Variants in MYH9 observed in about 807,000 individuals in gnomAD.
The protein encoded by MYH9 is myosin-9.
Under a neutral mutation model 241.9 loss-of-function variants are expected in MYH9, and 29 were observed. The observed-to-expected ratio is 0.12, with a 90% CI of 0.09 to 0.16. The LOEUF (loss-of-function observed/expected upper bound fraction) is 0.16. Among genes scored for constraint, MYH9 ranks in the 10% least tolerant of loss-of-function variants. The probability of loss-of-function intolerance (pLI) is 1.00; values close to 1 mark genes in which losing one functional copy is unlikely to be tolerated. For synonymous variants in MYH9, 1,047 were observed against 1,062.6 expected, an observed-to-expected ratio of 0.99 and a Z score of 0.29; for missense variants, 1,803 against 2,595.5, an observed-to-expected ratio of 0.69 and a Z score of 6.63.
chr22:36,356,405 AC>A (rs2017856252), intron 1 of MYH9, among the ~76,000 whole-genome samples: 1 of 150,584 alleles, frequency 6.6e-6, no homozygotes, highest in Non-Finnish European at 1.5e-5. Flanking sequence ...AAACCGTGAA[AC>A]CCTGTCTCTA....
chr22:36,369,036 A>G (rs2018053330), intron 1 of MYH9, among the ~76,000 whole-genome samples: 1 of 152,028 alleles, frequency 6.6e-6, no homozygotes, highest in Non-Finnish European at 1.5e-5. Context: ...TCCAAGGTGT[A>G]TGATACTGCA....
In MYH9 at chr22:36,281,984, G is replaced by C. The variant is rs1451907768; in HGVS notation, c.*684C>G. 1 of 233,554 alleles carries C rather than the reference G, an allele frequency of 4.3e-6. No individual in the cohort carries two copies. The highest frequency in any genetic ancestry group is 8.5e-6 in the Non-Finnish European group (1 of 118,134). The allele number at this position is 233,554 out of a possible 1,614,324, so 14.5% of individuals were successfully genotyped here. On this transcript the variant is annotated 3_prime_UTR_variant, in exon 41 of 41. Transcript: ENST00000216181. ...AGGCTGTCCTCGGTAAAGGAGGGGAGGGGGCATTGCACTTGAGACATTTTA... is the reference window on the plus strand; with the variant it reads ...AGGCTGTCCTCGGTAAAGGAGGGGACGGGGCATTGCACTTGAGACATTTTA...
At position 36,320,079 on chromosome 22, in the gene MYH9, T is replaced by C. The variant is rs2017225928; in HGVS notation, c.1012+141A>G. The C allele has an allele frequency of 7.8e-6, 9 of 1,159,340 alleles. 1 individual carries two copies. The Middle Eastern group carries it at 1.0e-3, about 132-fold the overall frequency. 71.8% of individuals were successfully genotyped at this position (1,159,340 alleles called of 1,614,324 possible). A position where few individuals can be genotyped will look rare whatever the true frequency, so the allele number is the denominator to read the frequency against. On this transcript the variant is annotated intron_variant, in intron 9 of 40. Transcript: ENST00000216181. The surrounding 1 kb of genome is among the most constrained non-coding windows in gnomAD (Gnocchi z 4.8). ...CTTGAACCTCAAATCTGAGGAATCA[T>C]TTTCCCATACACTGAAGGCCTTCCC...
intron 18 of MYH9, 54 bp from the exon 19 acceptor site, chr22:36,304,209 G>C: frequency 6.3e-7 from 1 of 1,598,678 alleles, no homozygotes; most frequent in Non-Finnish European, 8.6e-7. Flanking sequence ...ACAGCTCCAT[G>C]AAAGGGTGGC....
At chr22:36,377,962 T>C (rs1338306817) in intron 1 of MYH9, among the ~76,000 whole-genome samples, 3 of 149,876 alleles carry the variant, frequency 2.0e-5, no homozygotes, top group Non-Finnish European at 3.0e-5. Flanking sequence ...TGAGGAGAGA[T>C]GATGTTATTG....
chr22:36,325,696 G>A (rs991610575), intron 5 of MYH9, among the ~76,000 whole-genome samples: 4 of 152,334 alleles, frequency 2.6e-5, no homozygotes, highest in Admixed American at 2.0e-4. Flanking sequence ...CCACCGTGCC[G>A]GGGTCAGGTT....
At chr22:36,341,264 G>C in intron 3 of MYH9, 106 bp downstream of exon 3, 2 of 1,433,948 alleles carry the variant, frequency 1.4e-6, no homozygotes, top group Non-Finnish European at 1.9e-6. Flanking sequence ...CCCATCACCA[G>C]CCACTAGATC....
rs775254428 is a variant in MYH9 at position 36,300,588 on chromosome 22, C to T, written c.2838+263G>A. ...CAGAGGTGCTGGCCCTGTGCCCCTT[C>T]GGCTAGCCAGGGCCAGGGCTAATGG... On this transcript the variant is annotated intron_variant, in intron 22 of 40. Coordinates refer to ENST00000216181, the MANE Select transcript of MYH9 (RefSeq NM_002473.6). This position sits in a 1 kb window ranked among gnomAD's most constrained non-coding sequence, Gnocchi z 5.0. 1.2e-4 allele frequency among the ~76,000 whole-genome samples: 19 copies of T among 152,226 alleles called. No homozygotes were observed. The highest frequency in any genetic ancestry group is 2.1e-4 in the Non-Finnish European group (14 of 68,036).
intron 24 of MYH9, 106 bp from the exon 25 acceptor site, chr22:36,297,120 C>A: frequency 7.6e-7 from 1 of 1,314,548 alleles, no homozygotes; most frequent in Non-Finnish European, 1.1e-6. Context: ...GTGTGTCAGG[C>A]TTAAAGCATC....
intron 3 of MYH9, among the ~76,000 whole-genome samples, chr22:36,328,444 C>T (rs1408901220): frequency 1.3e-5 from 2 of 152,194 alleles, no homozygotes; most frequent in African/African-American, 2.4e-5. Context: ...ATAGCCTCAC[C>T]GTCCTTGAAG....
rs1180767444 is a variant in MYH9 at position 36,298,956 on chromosome 22, G to C, written c.3063C>G (p.Leu1021=). Residue 1021 remains leucine, a synonymous_variant, in exon 24 of 41, where the codon CTC becomes CTG. Transcript: ENST00000216181. ...EEEKSKSLAK[L]KNKHEAMITD... The stretch of plus-strand genomic sequence containing the variant: ...TGATCATTGCCTCATGCTTGTTCTT[G>C]AGCTTGGCGAGGCTCTTAGATTTCT... 1.2e-6 allele frequency: 2 copies of C among 1,614,118 alleles called. No homozygotes were observed. Among genetic ancestry groups the C allele is most frequent in the Non-Finnish European group, 1.7e-6 (2 of 1,180,012 alleles).
At position 36,288,894 on chromosome 22, in the gene MYH9, C is replaced by T. The variant is rs902539406; in HGVS notation, c.4603G>A (p.Glu1535Lys). The T allele has an allele frequency of 6.8e-6, 11 of 1,614,144 alleles. No homozygotes were observed. The highest frequency in any genetic ancestry group is 9.3e-6 in the Non-Finnish European group (11 of 1,180,042). Residue 1535 changes from glutamate to lysine, a missense_variant, in exon 33 of 41, where the codon GAG becomes AAG. Transcript: ENST00000216181. This position sits in a 1 kb window ranked among gnomAD's most constrained non-coding sequence, Gnocchi z 4.8. ...TCTTCCAGCTGCGTCTTCATCTCCT[C>T]CACCTGCTGCTCTAGGGCCCGCTTG... Reference protein sequence around the residue: ...KSKRALEQQVEEMKTQLEELE... With the variant: ...KSKRALEQQVKEMKTQLEELE...
chr22:36,327,423 G>A (rs2017353323), intron 4 of MYH9, 38 bp downstream of exon 4: 1 of 1,612,982 alleles, frequency 6.2e-7, no homozygotes, highest in Non-Finnish European at 8.5e-7. Context: ...AACAGACTGG[G>A]GTGAAACGAA....
intron 1 of MYH9, among the ~76,000 whole-genome samples, chr22:36,375,990 T>C: frequency 6.7e-6 from 1 of 148,276 alleles, no homozygotes; most frequent in Non-Finnish European, 1.5e-5. Flanking sequence ...AGATGGAGTT[T>C]TGCTCCTATT....
intron 1 of MYH9, among the ~76,000 whole-genome samples, chr22:36,387,371 G>A (rs1014934458): frequency 1.3e-4 from 20 of 152,240 alleles, no homozygotes; most frequent in African/African-American, 4.3e-4. Context: ...CGGCTGCCCC[G>A]GGCTCCCAAC....
chr22:36,334,596 T>C (rs748210779), intron 3 of MYH9, among the ~76,000 whole-genome samples: 1 of 152,186 alleles, frequency 6.6e-6, no homozygotes, highest in Non-Finnish European at 1.5e-5. Context: ...GAGAGTGTTT[T>C]TGGGGAGATT....
At chr22:36,327,297 G>A (rs1462026620) in intron 4 of MYH9, among the ~76,000 whole-genome samples, 164 bp downstream of exon 4, 1 of 152,178 alleles carries the variant, frequency 6.6e-6, no homozygotes, top group East Asian at 1.9e-4. Context: ...CCACTGAGTA[G>A]CAAACACACA....
chr22:36,288,311 G>A lies in MYH9; in HGVS notation c.4873C>T (p.His1625Tyr). Residue 1625 changes from histidine to tyrosine, a missense_variant, in exon 34 of 41, where the codon CAC (histidine) becomes TAC (tyrosine). This residue lies in a region of MYH9 where 876 missense variants were observed against 1,077.8 expected (regional missense o/e 0.81). Coordinates refer to ENST00000216181, the MANE Select transcript of MYH9 (RefSeq NM_002473.6). The surrounding 1 kb of genome is among the most constrained non-coding windows in gnomAD (Gnocchi z 4.8). Reference protein sequence around the residue: ...LEMDLKDLEAHIDSANKNRDE... With the variant: ...LEMDLKDLEAYIDSANKNRDE... ...CGGTTCTTGTTGGCCGAGTCGATGTGCGCCTCCAGGTCCTTCAGGTCCATC... is the reference window on the plus strand; with the variant it reads ...CGGTTCTTGTTGGCCGAGTCGATGTACGCCTCCAGGTCCTTCAGGTCCATC... 1 of 1,614,138 alleles carries A rather than the reference G, an allele frequency of 6.2e-7. No individual in the cohort carries two copies. The highest frequency in any genetic ancestry group is 8.5e-7 in the Non-Finnish European group (1 of 1,180,040).
intron 1 of MYH9, among the ~76,000 whole-genome samples, chr22:36,364,534 CA>C (rs1375527438): frequency 6.6e-6 from 1 of 152,196 alleles, no homozygotes; most frequent in African/African-American, 2.4e-5. Flanking sequence ...GGACAGACAG[CA>C]AGGGCCACCC....
Sources: gnomAD v4.1 joint callset for allele counts (sites outside exome capture counted in the v4.1 genomes callset) on GRCh38, gnomAD v4.1.1 for gene constraint, gnomAD v4.1.1 regional missense constraint, Gnocchi (gnomAD v3.1) non-coding constraint, MANE v1.5 for transcripts, NCBI Gene and HGNC (gene_info 2026-07-23, HGNC 2026-07-21) for gene names.